ASH1L: variants seen among roughly 807,000 people sequenced by gnomAD.
ASH1L encodes the protein histone-lysine N-methyltransferase ASH1L.
In ASH1L, 23 loss-of-function variants were observed where a neutral mutation model predicts 269.0. The observed-to-expected ratio is 0.09, with a 90% CI of 0.06 to 0.12. ASH1L has a LOEUF of 0.12. ASH1L is among the 10% of genes least tolerant of loss of function. ASH1L has a pLI of 1.00. For synonymous variants in ASH1L, 1,187 were observed against 1,253.5 expected (o/e 0.95, Z 1.12); for missense variants, 2,912 against 3,567.8 (o/e 0.82, Z 4.68).
intron 22 of ASH1L, 39 bp downstream of exon 22, chr1:155,344,144 G>T (rs769871383): frequency 1.3e-6 from 2 of 1,567,732 alleles, no homozygotes; most frequent in African/African-American, 1.4e-5. Flanking sequence ...ATTCAGAAAG[G>T]TCACCTCTGA....
intron 5 of ASH1L, chr1:155,433,470 G>A (rs1285766771): frequency 6.2e-7 from 1 of 1,610,556 alleles, no homozygotes; most frequent in Non-Finnish European, 8.5e-7. Context: ...CAGCCTGAGG[G>A]CGAAGCAGGA....
intron 7 of ASH1L, among the ~76,000 whole-genome samples, chr1:155,386,792 C>T (rs1405663854): frequency 6.6e-6 from 1 of 152,000 alleles, no homozygotes; most frequent in Non-Finnish European, 1.5e-5. Flanking sequence ...AATTTTTCTC[C>T]CATTTTATAG....
At chr1:155,524,067 A>C (rs2148850251) in intron 1 of ASH1L, among the ~76,000 whole-genome samples, 1 of 152,300 alleles carries the variant, frequency 6.6e-6, no homozygotes, top group Admixed American at 6.5e-5. Context: ...AATGGCATTC[A>C]AGGCTTTTAA....
chr1:155,538,491 G>A (rs1310213108), intron 1 of ASH1L, among the ~76,000 whole-genome samples: 1 of 151,798 alleles, frequency 6.6e-6, no homozygotes, highest in East Asian at 1.9e-4. Context: ...CCGAGTAGCC[G>A]GGACTACAGG....
intron 3 of ASH1L, among the ~76,000 whole-genome samples, chr1:155,469,690 A>AT (rs1239666497): frequency 5.3e-5 from 8 of 152,156 alleles, no homozygotes; most frequent in African/African-American, 1.7e-4. Context: ...CCTTTTGCAT[A>AT]TCTCATTTCA....
intron 1 of ASH1L, among the ~76,000 whole-genome samples, chr1:155,529,750 A>G (rs1669527998): frequency 6.6e-6 from 1 of 152,020 alleles, no homozygotes; most frequent in African/African-American, 2.4e-5. Context: ...TAGGCTTCCT[A>G]TCTCCCTCAA....
chr1:155,347,535 G>A, intron 20 of ASH1L, 121 bp downstream of exon 20: 1 of 1,288,640 alleles, frequency 7.8e-7, no homozygotes, highest in East Asian at 2.3e-5. Flanking sequence ...CAGAAACCAA[G>A]GCTAAGTTAC....
At chr1:155,557,298 T>C (rs1281738262) in intron 1 of ASH1L, among the ~76,000 whole-genome samples, 1 of 152,082 alleles carries the variant, frequency 6.6e-6, no homozygotes, top group African/African-American at 2.4e-5. Context: ...AGTCTCGCTC[T>C]GTCACCCAGG....
chr1:155,400,371 A>C (rs1247907918), intron 6 of ASH1L, among the ~76,000 whole-genome samples: 1 of 152,100 alleles, frequency 6.6e-6, no homozygotes, highest in African/African-American at 2.4e-5. Flanking sequence ...AAAGAGGAAG[A>C]GTCTTAGAGG....
chr1:155,362,498 TA>T (rs1655055369), intron 12 of ASH1L, among the ~76,000 whole-genome samples: 2 of 152,024 alleles, frequency 1.3e-5, no homozygotes, highest in South Asian at 4.2e-4. Flanking sequence ...AACAATTATA[TA>T]AAAATATGTA....
At chr1:155,447,453 C>T (rs1336563064) in intron 4 of ASH1L, among the ~76,000 whole-genome samples, 1 of 152,120 alleles carries the variant, frequency 6.6e-6, no homozygotes, top group Admixed American at 6.6e-5. Flanking sequence ...TGGTCTCGAA[C>T]TCCTGAGCTC....
At chr1:155,369,148 A>G (rs959358416) in intron 12 of ASH1L, among the ~76,000 whole-genome samples, 1 of 152,162 alleles carries the variant, frequency 6.6e-6, no homozygotes, top group African/African-American at 2.4e-5. Context: ...TACACTTAAG[A>G]TCTATGTATT....
intron 5 of ASH1L, among the ~76,000 whole-genome samples, chr1:155,416,177 C>G (rs1006013093): frequency 6.6e-6 from 1 of 152,020 alleles, no homozygotes; most frequent in African/African-American, 2.4e-5. Flanking sequence ...GTCACCCAGG[C>G]TGGAGTGCAG....
At chr1:155,444,701 C>T (rs1349357184) in intron 4 of ASH1L, among the ~76,000 whole-genome samples, 2 of 151,876 alleles carry the variant, frequency 1.3e-5, no homozygotes, top group Non-Finnish European at 2.9e-5. Context: ...CTGCAACCTC[C>T]ACCTCCCGGG....
At chr1:155,483,407 A>G (rs186512840) in intron 2 of ASH1L, among the ~76,000 whole-genome samples, 1 of 152,324 alleles carries the variant, frequency 6.6e-6, no homozygotes, top group Admixed American at 6.5e-5. Context: ...TAAAATGTAG[A>G]AAAGCCAGGG....
At chr1:155,529,032 A>ATT (rs111295211) in intron 1 of ASH1L, among the ~76,000 whole-genome samples, 1 of 147,662 alleles carries the variant, frequency 6.8e-6, no homozygotes, top group African/African-American at 2.5e-5. Flanking sequence ...ACATGATCTC[A>ATT]TTTTTTTTTT....
intron 2 of ASH1L, among the ~76,000 whole-genome samples, chr1:155,487,674 G>A (rs1363868367): frequency 5.3e-5 from 8 of 152,004 alleles, no homozygotes; most frequent in Non-Finnish European, 5.9e-5. Context: ...GTGAGCCACC[G>A]CACCTGGCAA....
At chr1:155,403,890 T>TAA (rs1659051481) in intron 6 of ASH1L, among the ~76,000 whole-genome samples, 3 of 147,462 alleles carry the variant, frequency 2.0e-5, no homozygotes, top group Non-Finnish European at 4.5e-5. Context: ...GTTCCTACCA[T>TAA]TAAAAAAAAA....
intron 12 of ASH1L, among the ~76,000 whole-genome samples, chr1:155,367,641 C>T (rs1655554553): frequency 6.6e-6 from 1 of 151,930 alleles, no homozygotes; most frequent in African/African-American, 2.4e-5. Flanking sequence ...TCCTAGTTTG[C>T]TGAGTTTTAA....
Sources: gnomAD v4.1 joint callset for allele counts (sites outside exome capture counted in the v4.1 genomes callset) on GRCh38, gnomAD v4.1.1 for gene constraint, MANE v1.5 for transcripts, NCBI Gene and HGNC (gene_info 2026-07-23, HGNC 2026-07-21) for gene names.